Variants in PADI3 observed in about 807,000 individuals in gnomAD.
PADI3 encodes the protein protein-arginine deiminase type-3.
PADI3 carries 53 observed loss-of-function variants against 71.5 expected under a neutral mutation model. That is an observed-to-expected ratio of 0.74 (90% confidence interval 0.59 to 0.93). The LOEUF (loss-of-function observed/expected upper bound fraction) is 0.93. Among genes scored for constraint, PADI3 ranks in the 40% least tolerant of loss-of-function variants. PADI3 has a pLI of 0.00. For synonymous variants in PADI3, 361 were observed against 347.5 expected, an observed-to-expected ratio of 1.04 and a Z score of -0.43; for missense variants, 821 against 868.0, an observed-to-expected ratio of 0.95 and a Z score of 0.68.
intron 12 of PADI3, 23 bp downstream of exon 12, chr1:17,276,686 G>A (rs766932776): frequency 3.1e-6 from 5 of 1,613,882 alleles, no homozygotes; most frequent in Admixed American, 1.7e-5. Flanking sequence ...TGCATGACGT[G>A]TCTTTCCCTG....
In PADI3 at chr1:17,273,504, C is replaced by A. The variant is rs573721994; in HGVS notation, c.1155+57C>A. The A allele has an allele frequency of 4.3e-6, 5 of 1,158,868 alleles. No homozygotes were observed. In the African/African-American group the frequency reaches 4.5e-5, roughly 11 times the overall value. 71.8% of individuals were successfully genotyped at this position (1,158,868 alleles called of 1,614,324 possible). A position where few individuals can be genotyped will look rare whatever the true frequency, so the allele number is the denominator to read the frequency against. Reference sequence around the variant, plus strand: ...GAGCTGAGAGGCCTTACCCCAGGGGCCACACCGGGGTGTGGGGTACAGAGG... The same window carrying A: ...GAGCTGAGAGGCCTTACCCCAGGGGACACACCGGGGTGTGGGGTACAGAGG... On this transcript the variant is annotated intron_variant, in intron 10 of 15. Transcript: ENST00000375460.
At chr1:17,266,865 G>T in intron 5 of PADI3, 29 bp downstream of exon 5, 1 of 1,522,042 alleles carries the variant, frequency 6.6e-7, no homozygotes, top group East Asian at 2.3e-5. Flanking sequence ...GAGTCCCTGG[G>T]TGTCCAGGGT....
intron 1 of PADI3, among the ~76,000 whole-genome samples, chr1:17,257,696 T>TGGTG (rs1461752677): frequency 6.6e-6 from 1 of 152,198 alleles, no homozygotes; most frequent in East Asian, 1.9e-4. Context: ...AGAATCATGT[T>TGGTG]GGTGGAAGAG....
intron 6 of PADI3, among the ~76,000 whole-genome samples, chr1:17,268,380 T>G (rs1414445635): frequency 1.3e-5 from 2 of 152,150 alleles, no homozygotes; most frequent in African/African-American, 4.8e-5. Context: ...TAATTCAGTT[T>G]GTATTCCCCC....
At chr1:17,264,651 C>T (rs1336631446) in intron 3 of PADI3, among the ~76,000 whole-genome samples, 5 of 152,142 alleles carry the variant, frequency 3.3e-5, no homozygotes, top group South Asian at 2.1e-4. Context: ...CGTCTTTTGC[C>T]CTATGCTATG....
rs561287290 is a variant in PADI3 at position 17,272,617 on chromosome 1, C to CTG, written c.1048-722_1048-721dup. Among the ~76,000 whole-genome samples the CTG allele has an allele frequency of 3.7e-3, 566 of 152,232 alleles. 5 individuals are homozygous for CTG. Among genetic ancestry groups the CTG allele is most frequent in the African/African-American group, 0.013 (542 of 41,538 alleles). On this transcript the variant is annotated intron_variant, in intron 9 of 15. Transcript: ENST00000375460. ...GAACTCCTGGGTTCAAGTGATCCTT[C>CTG]TGCCTCAGTCTCCCGAGTAGCTGAG...
At chr1:17,264,279 C>T (rs1477635802) in intron 3 of PADI3, among the ~76,000 whole-genome samples, 3 of 151,828 alleles carry the variant, frequency 2.0e-5, no homozygotes, top group Non-Finnish European at 4.4e-5. Context: ...ATAACATAGA[C>T]AGAAAAGTAC....
chr1:17,266,446 C>T (rs542537097), intron 4 of PADI3, among the ~76,000 whole-genome samples: 6 of 152,222 alleles, frequency 3.9e-5, no homozygotes, highest in South Asian at 2.1e-4. Context: ...CAGAGTGAGG[C>T]GTGTGGTCCT....
rs928469602 is a variant in PADI3 at position 17,257,060 on chromosome 1, G to T, written c.93-2518G>T. ...AAAAAAAAAAAAAAAAAAAAAAAAA[G>T]GCTTCCTTGGGAGATGGAAGGCGAG... is the stretch of plus-strand genomic sequence containing the variant. On this transcript the variant is annotated intron_variant, in intron 1 of 15. Transcript: ENST00000375460. 2.9e-4 allele frequency among the ~76,000 whole-genome samples: 37 copies of T among 127,148 alleles called. 1 individual carries two copies. The highest frequency in any genetic ancestry group is 9.8e-4 in the African/African-American group (34 of 34,534). 83.4% of individuals were successfully genotyped at this position (127,148 alleles called of 152,430 possible).
At position 17,280,401 on chromosome 1, in the gene PADI3, A is replaced by T. The variant is rs779195670; in HGVS notation, c.1607A>T (p.Asp536Val). The T allele has an allele frequency of 1.6e-5, 26 of 1,613,800 alleles. No individual in the cohort carries two copies. Among genetic ancestry groups the T allele is most frequent in the Non-Finnish European group, 2.2e-5 (26 of 1,179,848 alleles). The change falls in exon 14 of 16, where the codon GAC becomes GTC. Residue 536 changes from aspartate (D) to valine (V), a missense_variant. Asp to Val is a radical substitution (Grantham distance 152, BLOSUM62 -3). Coordinates refer to ENST00000375460, the MANE Select transcript of PADI3 (RefSeq NM_016233.2). ...ATCAACCAGGTGCTCTCCAATAAAG[A>T]CCTCATCAACTACAATAAGTTTGTG... ...ISINQVLSNK[D>V]LINYNKFVQS...
Position 17,273,325 on chromosome 1 carries a change from T to C in PADI3, c.1048-15T>C. On this transcript the variant is annotated splice_polypyrimidine_tract_variant and intron_variant, in intron 9 of 15. Transcript: ENST00000375460. The stretch of plus-strand genomic sequence containing the variant: ...CTGTCACAGCTGTGCGTCTCTCGCC[T>C]CTCCTCACTTGCAGGATGAGATGGA... 1 of 1,604,286 alleles carries C rather than the reference T, an allele frequency of 6.2e-7. No individual in the cohort carries two copies. Among genetic ancestry groups the C allele is most frequent in the Non-Finnish European group, 8.5e-7 (1 of 1,172,690 alleles).
chr1:17,250,833 C>T (rs914206704), intron 1 of PADI3, among the ~76,000 whole-genome samples: 1 of 152,200 alleles, frequency 6.6e-6, no homozygotes, highest in Admixed American at 6.5e-5. Context: ...TCCCAGGAAG[C>T]CTGGGCCTGG....
intron 1 of PADI3, among the ~76,000 whole-genome samples, chr1:17,256,168 C>T (rs939720594): frequency 6.6e-6 from 1 of 152,196 alleles, no homozygotes; most frequent in African/African-American, 2.4e-5. Context: ...AGACCCGTTT[C>T]CTGCACCCTC....
At chr1:17,278,151 G>C (rs2073358415) in intron 13 of PADI3, among the ~76,000 whole-genome samples, 1 of 152,254 alleles carries the variant, frequency 6.6e-6, no homozygotes, top group Non-Finnish European at 1.5e-5. Context: ...TCAGGAGAGA[G>C]ACTCGGGGAC....
Position 17,259,627 on chromosome 1 carries a change from G to A in PADI3, c.142G>A (p.Val48Met), listed in dbSNP as rs150695491. 360 of 1,613,414 alleles carry A rather than the reference G, an allele frequency of 2.2e-4. 2 individuals are homozygous for A. Among genetic ancestry groups the A allele is most frequent in the African/African-American group, 2.1e-3 (160 of 75,046 alleles). The stretch of plus-strand genomic sequence containing the variant: ...GTTTGAGGTCTATGGGACGCCTGGC[G>A]TGGACATCTACATCTCTCCCAACAT... The part of the protein sequence containing the change: ...EMFEVYGTPG[V>M]DIYISPNMER... The change falls in exon 2 of 16, where the codon GTG becomes ATG. Residue 48 changes from valine to methionine, a missense_variant. By Grantham distance (21) the Val-to-Met change is conservative. Transcript: ENST00000375460.
At chr1:17,274,895 G>C in intron 11 of PADI3, 109 bp downstream of exon 11, 1 of 1,161,274 alleles carries the variant, frequency 8.6e-7, no homozygotes, top group Non-Finnish European at 1.2e-6. Flanking sequence ...CCAGAAGCAA[G>C]GAATGATGAA....
At chr1:17,266,294 G>A (rs760500632) in intron 4 of PADI3, among the ~76,000 whole-genome samples, 26 of 152,174 alleles carry the variant, frequency 1.7e-4, no homozygotes, top group Non-Finnish European at 2.8e-4. Flanking sequence ...GGAGAAGGTC[G>A]AGGTGGGCTG....
At chr1:17,274,293 G>A (rs1167778050) in intron 10 of PADI3, among the ~76,000 whole-genome samples, 1 of 152,228 alleles carries the variant, frequency 6.6e-6, no homozygotes, top group African/African-American at 2.4e-5. Context: ...TTGCCCTTGG[G>A]CTGAACTTGC....
intron 1 of PADI3, among the ~76,000 whole-genome samples, chr1:17,251,487 G>A (rs1324776476): frequency 6.6e-6 from 1 of 152,156 alleles, no homozygotes; most frequent in Non-Finnish European, 1.5e-5. Context: ...ATCAGCAATG[G>A]CACTGAATGC....
Sources: allele counts gnomAD v4.1 joint callset (sites outside exome capture counted in the v4.1 genomes callset), GRCh38; gene constraint gnomAD v4.1.1; transcripts MANE v1.5; gene names NCBI Gene and HGNC (gene_info 2026-07-23, HGNC 2026-07-21).